The following DGKB variants were observed in gnomAD, a reference collection of about 807,000 sequenced individuals.
DGKB encodes diacylglycerol kinase beta.
DGKB carries 67 observed loss-of-function variants against 114.3 expected under a neutral mutation model. The observed-to-expected ratio is 0.59, with a 90% CI of 0.48 to 0.72. The LOEUF (loss-of-function observed/expected upper bound fraction) is 0.72. Among genes scored for constraint, DGKB ranks in the 30% least tolerant of loss-of-function variants. The pLI, the probability that DGKB is intolerant of heterozygous loss-of-function variation, is 0.00. For synonymous variants in DGKB, 398 were observed against 323.1 expected (o/e 1.23, Z -2.49); for missense variants, 907 against 975.2 (o/e 0.93, Z 0.93).
chr7:14,898,005 A>C (rs1782384845), intron 1 of DGKB, among the ~76,000 whole-genome samples: 1 of 152,030 alleles, frequency 6.6e-6, no homozygotes, highest in African/African-American at 2.4e-5. Context: ...CCCCTTCCTC[A>C]ATGTAAAAAA....
Position 14,699,352 on chromosome 7 carries a change from C to T in DGKB, c.517-1183G>A, listed in dbSNP as rs552205427. On this transcript the variant is annotated intron_variant, in intron 7 of 25. Coordinates refer to ENST00000402815, the MANE Select transcript of DGKB (RefSeq NM_001350709.2). ...TTAATGGTTTGGAAGTGTTAAAGTT[C>T]CCGGATATCTTTTAAGAACAGAAAC... Among the ~76,000 whole-genome samples the T allele has an allele frequency of 6.0e-4, 91 of 152,072 alleles. 1 individual carries two copies. The highest frequency in any genetic ancestry group is 2.0e-3 in the African/African-American group (85 of 41,502).
intron 21 of DGKB, among the ~76,000 whole-genome samples, chr7:14,476,761 T>G (rs1434165614): frequency 6.6e-6 from 1 of 151,246 alleles, no homozygotes; most frequent in East Asian, 1.9e-4. Flanking sequence ...AAACATTTTT[T>G]TTTTTTTTTT....
intron 20 of DGKB, among the ~76,000 whole-genome samples, chr7:14,499,117 TA>T (rs1785737494): frequency 6.6e-6 from 1 of 151,762 alleles, no homozygotes; most frequent in Non-Finnish European, 1.5e-5. Flanking sequence ...TTTGAGTTAT[TA>T]TTATTATTTT....
chr7:14,523,332 A>C (rs1367780), intron 20 of DGKB, among the ~76,000 whole-genome samples: 49,573 of 152,140 alleles, frequency 0.33, 8,793 homozygotes, highest in Admixed American at 0.44. Flanking sequence ...TGTTCATGAA[A>C]GCTGTTTCAA....
At chr7:14,676,435 T>C (rs896947691) in intron 12 of DGKB, among the ~76,000 whole-genome samples, 11 of 152,140 alleles carry the variant, frequency 7.2e-5, no homozygotes, top group African/African-American at 2.4e-4. Flanking sequence ...GTAATTGGAT[T>C]GTTTGCAACT....
chr7:14,892,040 T>A (rs1781319486), intron 1 of DGKB, among the ~76,000 whole-genome samples: 1 of 151,310 alleles, frequency 6.6e-6, no homozygotes, highest in Admixed American at 6.6e-5. Context: ...AAATAAAGAT[T>A]TGTGCAATAG....
At chr7:14,415,785 C>A (rs1286604126) in intron 21 of DGKB, among the ~76,000 whole-genome samples, 1 of 152,126 alleles carries the variant, frequency 6.6e-6, no homozygotes, top group Non-Finnish European at 1.5e-5. Flanking sequence ...GGTATATACC[C>A]AGTAATGGGA....
At chr7:14,507,805 G>A (rs911646902) in intron 20 of DGKB, among the ~76,000 whole-genome samples, 1 of 152,056 alleles carries the variant, frequency 6.6e-6, no homozygotes, top group African/African-American at 2.4e-5. Flanking sequence ...TGGCAGGAGG[G>A]GAAAGAGCCA....
chr7:14,574,509 T>C (rs1237285809), intron 19 of DGKB, 137 bp from the exon 20 acceptor site: 1 of 692,458 alleles, frequency 1.4e-6, no homozygotes, highest in Non-Finnish European at 2.4e-6. Flanking sequence ...TGCCACCAAA[T>C]GAAGAATTAA....
At chr7:14,481,498 T>C (rs1782984653) in intron 20 of DGKB, among the ~76,000 whole-genome samples, 2 of 151,974 alleles carry the variant, frequency 1.3e-5, no homozygotes, top group African/African-American at 4.8e-5. Flanking sequence ...ATAATCTTTC[T>C]CTCACAAATA....
At chr7:14,492,252 A>C (rs1784697479) in intron 20 of DGKB, among the ~76,000 whole-genome samples, 2 of 152,014 alleles carry the variant, frequency 1.3e-5, no homozygotes, top group South Asian at 4.1e-4. Context: ...GGCAGTAGAG[A>C]AAGGAACAAT....
chr7:14,857,446 G>T (rs1472587486), intron 1 of DGKB, among the ~76,000 whole-genome samples: 1 of 151,842 alleles, frequency 6.6e-6, no homozygotes, highest in African/African-American at 2.4e-5. Context: ...GTTAAGCAGA[G>T]AATTCACCTA....
chr7:14,594,495 G>T (rs537645617), intron 17 of DGKB, among the ~76,000 whole-genome samples: 10 of 152,160 alleles, frequency 6.6e-5, no homozygotes, highest in African/African-American at 2.4e-4. Flanking sequence ...AAGTTACACA[G>T]TCTTCCTGAT....
intron 12 of DGKB, among the ~76,000 whole-genome samples, chr7:14,675,252 C>T (rs1474346786): frequency 6.6e-6 from 1 of 152,048 alleles, no homozygotes; most frequent in South Asian, 2.1e-4. Flanking sequence ...AGTCTTATGC[C>T]AACGCTGACT....
intron 23 of DGKB, among the ~76,000 whole-genome samples, chr7:14,258,765 C>CTATGT (rs1796306797): frequency 1.3e-5 from 2 of 152,092 alleles, no homozygotes; most frequent in Admixed American, 6.5e-5. Context: ...TTTAATTTGT[C>CTATGT]TATGTTATAA....
rs183075004 is a variant in DGKB, at chr7:14,761,963, G to A, written c.71-4232C>T. Among the ~76,000 whole-genome samples the A allele has an allele frequency of 3.6e-3, 542 of 152,258 alleles. 2 individuals are homozygous for A. The highest frequency in any genetic ancestry group is 6.4e-3 in the South Asian group (31 of 4,828). ...GAGGGGTATGACTTGGGGAAATTCTGAAACATGGGGCTAATTTCAGAGGTT... is the reference window on the plus strand; with the variant it reads ...GAGGGGTATGACTTGGGGAAATTCTAAAACATGGGGCTAATTTCAGAGGTT... On this transcript the variant is annotated intron_variant, in intron 2 of 25. Coordinates refer to ENST00000402815, the MANE Select transcript of DGKB (RefSeq NM_001350709.2).
intron 13 of DGKB, among the ~76,000 whole-genome samples, chr7:14,670,251 C>A (rs1818732332): frequency 6.6e-6 from 1 of 150,880 alleles, no homozygotes; most frequent in Non-Finnish European, 1.5e-5. Flanking sequence ...TTAAGAGCAC[C>A]TAGTCTCTTG....
At chr7:14,770,834 G>A (rs775818527) in intron 2 of DGKB, among the ~76,000 whole-genome samples, 4 of 152,058 alleles carry the variant, frequency 2.6e-5, no homozygotes, top group Non-Finnish European at 4.4e-5. Context: ...TGACTGAGTT[G>A]TTAATTTAAA....
intron 19 of DGKB, among the ~76,000 whole-genome samples, chr7:14,577,477 C>A (rs929658558): frequency 6.6e-5 from 10 of 152,052 alleles, no homozygotes; most frequent in African/African-American, 2.4e-4. Flanking sequence ...ATTAGCCTGG[C>A]AAGGTGGCGG....
Sources: gnomAD v4.1 joint callset for allele counts (sites outside exome capture counted in the v4.1 genomes callset) on GRCh38, gnomAD v4.1.1 for gene constraint, MANE v1.5 for transcripts, NCBI Gene and HGNC (gene_info 2026-07-23, HGNC 2026-07-21) for gene names.